LAMA1: variants seen among roughly 807,000 people sequenced by gnomAD.
LAMA1 encodes the protein laminin subunit alpha-1.
A neutral mutation model predicts 348.7 loss-of-function variants in LAMA1; 219 were observed. The ratio of observed to expected loss-of-function variants is 0.63; its 90% CI spans 0.56 to 0.70. LAMA1 has a LOEUF of 0.70. LAMA1 is among the 30% of genes least tolerant of loss of function. The pLI is 0.00. For missense variants in LAMA1, 3,744 were observed against 3,888.0 expected, an observed-to-expected ratio of 0.96 and a Z score of 0.99; for synonymous variants, 1,487 against 1,491.0, an observed-to-expected ratio of 1.00 and a Z score of 0.06.
At chr18:7,097,499 C>CTTTTTTTTTTTTTTTT (rs10566387) in intron 1 of LAMA1, among the ~76,000 whole-genome samples, 1 of 109,900 alleles carries the variant, frequency 9.1e-6, no homozygotes, top group Non-Finnish European at 1.9e-5. Context: ...TCTCAGCTGG[C>CTTTTTTTTTTTTTTTT]TTTTTTTTTT....
intron 6 of LAMA1, 44 bp downstream of exon 6, chr18:7,046,234 T>C (rs2058041479): frequency 8.1e-7 from 1 of 1,234,670 alleles, no homozygotes; most frequent in African/African-American, 1.5e-5. Flanking sequence ...TAGCTACAAT[T>C]TCTGTTTTGA....
intron 33 of LAMA1, among the ~76,000 whole-genome samples, chr18:6,995,658 T>C (rs1169030407): frequency 6.6e-6 from 1 of 152,218 alleles, no homozygotes; most frequent in African/African-American, 2.4e-5. Flanking sequence ...ATTTCTGATA[T>C]AGATATAAAT....
At chr18:6,944,077 G>A (rs985377864) in intron 61 of LAMA1, among the ~76,000 whole-genome samples, 17 of 152,108 alleles carry the variant, frequency 1.1e-4, no homozygotes, top group African/African-American at 3.1e-4. Flanking sequence ...GTGCAGTGGC[G>A]CGGTCTTGGC....
intron 1 of LAMA1, among the ~76,000 whole-genome samples, chr18:7,081,934 T>C (rs559361154): frequency 3.9e-5 from 6 of 152,350 alleles, no homozygotes; most frequent in South Asian, 4.1e-4. Context: ...GTAATTTTAG[T>C]AACACAGAAG....
chr18:6,965,460 G>A (rs2057629101), intron 49 of LAMA1, 28 bp from the exon 50 acceptor site: 1 of 1,613,672 alleles, frequency 6.2e-7, no homozygotes, highest in Non-Finnish European at 8.5e-7. Flanking sequence ...CAGTTCCCCA[G>A]GTTATAGCTT....
chr18:7,071,277 C>T (rs2058144844), intron 3 of LAMA1, among the ~76,000 whole-genome samples: 1 of 152,132 alleles, frequency 6.6e-6, no homozygotes. Context: ...TTTGTACCTG[C>T]AAAGAGGCGA....
At chr18:7,093,155 G>T (rs369759762) in intron 1 of LAMA1, among the ~76,000 whole-genome samples, 3 of 152,168 alleles carry the variant, frequency 2.0e-5, no homozygotes, top group Non-Finnish European at 4.4e-5. Flanking sequence ...AGTGGCTCAC[G>T]CCTGTAATCC....
At chr18:7,019,216 G>C (rs7245000) in intron 19 of LAMA1, among the ~76,000 whole-genome samples, 7,868 of 152,012 alleles carry the variant, frequency 0.052, 661 homozygotes, top group African/African-American at 0.18. Context: ...GATTTCCCAG[G>C]CACCAAATTC....
rs557935372 is a variant in LAMA1, at chr18:7,040,325, G to A, written c.1262-89C>T. The A allele has an allele frequency of 2.2e-5, 31 of 1,382,946 alleles. No homozygotes were observed. The East Asian group carries it at 7.1e-4, about 32-fold the overall frequency. The allele number at this position is 1,382,946 out of a possible 1,614,324, so 85.7% of individuals were successfully genotyped here. A position where few individuals can be genotyped will look rare whatever the true frequency, so the allele number is the denominator to read the frequency against. ...CAAATGTTTTCTGTAAAGGGTCAGA[G>A]GGTATCTATTTTAGGCTTTTTGGCC... On this transcript the variant is annotated intron_variant, in intron 9 of 62. Transcript: ENST00000389658.
intron 57 of LAMA1, 80 bp from the exon 58 acceptor site, chr18:6,951,051 T>C (rs936545418): frequency 1.6e-5 from 20 of 1,287,120 alleles, no homozygotes; most frequent in Non-Finnish European, 2.2e-5. Flanking sequence ...GACCCAACAA[T>C]TGTTTCAGCG....
At chr18:6,957,277 C>G (rs57275297) in intron 55 of LAMA1, 7,349 of 172,946 alleles carry the variant, frequency 0.042, 585 homozygotes, top group African/African-American at 0.16. Context: ...GCTGGGAACT[C>G]CACAGAAACG....
At chr18:7,036,563 T>C (rs777868561) in intron 12 of LAMA1, among the ~76,000 whole-genome samples, 7 of 152,164 alleles carry the variant, frequency 4.6e-5, no homozygotes, top group Admixed American at 2.6e-4. Flanking sequence ...AAAATTAAGA[T>C]TTTCTTTCTG....
intron 48 of LAMA1, among the ~76,000 whole-genome samples, chr18:6,968,555 G>A (rs560985191): frequency 6.6e-6 from 1 of 152,302 alleles, no homozygotes; most frequent in East Asian, 1.9e-4. Context: ...TGACTGACTC[G>A]TGTCAAAGGC....
At chr18:7,011,502 A>G in intron 24 of LAMA1, 23 bp from the exon 25 acceptor site, 1 of 1,585,262 alleles carries the variant, frequency 6.3e-7, no homozygotes, top group Non-Finnish European at 8.6e-7. Flanking sequence ...AGGAGGGGAA[A>G]GTGCACTTCA....
At chr18:6,948,626 C>T in intron 59 of LAMA1, 70 bp from the exon 60 acceptor site, 3 of 1,569,648 alleles carry the variant, frequency 1.9e-6, no homozygotes, top group Non-Finnish European at 2.6e-6. Flanking sequence ...CATTTTCCTT[C>T]CACTTCATCA....
intron 58 of LAMA1, 48 bp downstream of exon 58, chr18:6,950,734 A>T: frequency 1.2e-6 from 2 of 1,600,226 alleles, no homozygotes; most frequent in Non-Finnish European, 1.7e-6. Context: ...CGAGTGATAG[A>T]TGGAACAGAA....
At chr18:6,973,356 T>G (rs941987866) in intron 46 of LAMA1, 149 bp from the exon 47 acceptor site, 3 of 705,830 alleles carry the variant, frequency 4.3e-6, no homozygotes, top group Non-Finnish European at 7.5e-6. Flanking sequence ...CAGTCTTGCC[T>G]ACTGCCCGAA....
chr18:7,028,939 C>T (rs576713191), intron 16 of LAMA1, among the ~76,000 whole-genome samples: 56 of 152,216 alleles, frequency 3.7e-4, no homozygotes, highest in Non-Finnish European at 5.0e-4. Context: ...CCTTCTCCTA[C>T]GGCCACTCAT....
chr18:7,034,453 G>A, intron 14 of LAMA1, 26 bp downstream of exon 14: 5 of 1,571,622 alleles, frequency 3.2e-6, no homozygotes, highest in Non-Finnish European at 4.4e-6. Context: ...TTCACCGTAA[G>A]TTTTTCCTCC....
Sources: allele counts gnomAD v4.1 joint callset (sites outside exome capture counted in the v4.1 genomes callset), GRCh38; gene constraint gnomAD v4.1.1; transcripts MANE v1.5; gene names NCBI Gene and HGNC (gene_info 2026-07-23, HGNC 2026-07-21).